C2orf80: variants seen among roughly 807,000 people sequenced by gnomAD.
The protein encoded by C2orf80 is chromosome 2 open reading frame 80.
A neutral mutation model predicts 30.2 loss-of-function variants in C2orf80; 28 were observed. The ratio of observed to expected loss-of-function variants is 0.93; its 90% CI spans 0.69 to 1.27. The LOEUF is 1.27. Among genes scored for constraint, C2orf80 ranks in the 50% most tolerant of loss-of-function variants. The probability of loss-of-function intolerance (pLI) is 0.00; values close to 1 mark genes in which losing one functional copy is unlikely to be tolerated. For missense variants in C2orf80, 220 were observed against 231.0 expected (o/e 0.95, Z 0.31); for synonymous variants, 80 against 76.4 (o/e 1.05, Z -0.24).
chr2:208,187,139 G>C (rs1696742073), intron 1 of C2orf80, 78 bp from the exon 2 acceptor site: 1 of 686,514 alleles, frequency 1.5e-6, no homozygotes, highest in Non-Finnish European at 2.4e-6. Flanking sequence ...CTAGGCTCTG[G>C]AAGGGATCTG....
intron 6 of C2orf80, among the ~76,000 whole-genome samples, chr2:208,177,119 G>T (rs988544713): frequency 9.7e-6 from 1 of 102,660 alleles, no homozygotes; most frequent in African/African-American, 5.1e-5. Context: ...TCAATGGCTC[G>T]ATTTTATATA....
intron 6 of C2orf80, among the ~76,000 whole-genome samples, chr2:208,180,088 T>C (rs1030294192): frequency 1.3e-5 from 2 of 152,098 alleles, no homozygotes; most frequent in Non-Finnish European, 2.9e-5. Context: ...TAGTACATCA[T>C]AGAAGGGAAC....
intron 6 of C2orf80, among the ~76,000 whole-genome samples, chr2:208,176,676 C>T (rs971516055): frequency 4.6e-5 from 7 of 151,956 alleles, no homozygotes; most frequent in African/African-American, 1.2e-4. Context: ...TTCATTCCCA[C>T]GACAACCCCA....
intron 6 of C2orf80, among the ~76,000 whole-genome samples, chr2:208,173,187 A>G (rs1188378734): frequency 2.0e-5 from 3 of 151,474 alleles, no homozygotes; most frequent in Non-Finnish European, 4.4e-5. Flanking sequence ...ACATTGTGGT[A>G]TATTCCTAGA....
chr2:208,180,593 T>A lies in C2orf80; in HGVS notation c.366+152A>T, dbSNP rs542085957. ...ATGAAAGGCATTTCACACACGTTAT[T>A]CAAGTAAGAAATGGTTATGTCTGGT... is the stretch of plus-strand genomic sequence containing the variant. On this transcript the variant is annotated intron_variant, in intron 6 of 8. Coordinates refer to ENST00000341287, the MANE Select transcript of C2orf80 (RefSeq NM_001099334.3). The A allele has an allele frequency of 4.5e-5, 27 of 599,984 alleles. No individual in the cohort carries two copies. In the East Asian group the frequency reaches 8.0e-4, roughly 18 times the overall value. 37.2% of individuals were successfully genotyped at this position (599,984 alleles called of 1,614,324 possible).
chr2:208,176,456 G>A (rs145209528), intron 6 of C2orf80, among the ~76,000 whole-genome samples: 18 of 152,300 alleles, frequency 1.2e-4, no homozygotes, highest in African/African-American at 4.1e-4. Context: ...GATTACTGGC[G>A]TGAGCCACGG....
At chr2:208,176,945 A>ATACATATCTG (rs1696345080) in intron 6 of C2orf80, among the ~76,000 whole-genome samples, 2 of 81,580 alleles carry the variant, frequency 2.5e-5, no homozygotes, top group African/African-American at 4.1e-5. Flanking sequence ...ACATATCTGT[A>ATACATATCTG]TACATATCTG....
Position 208,165,729 on chromosome 2 carries a change from A to G in C2orf80, c.*78T>C, listed in dbSNP as rs921209080. On this transcript the variant is annotated 3_prime_UTR_variant, in exon 9 of 9. Transcript: ENST00000341287. ...TTGTAAAGAAAAATGTACTGGCAAGAGCTGTGGTTTTAAGATGATGCTTCT... is the reference window on the plus strand; with the variant it reads ...TTGTAAAGAAAAATGTACTGGCAAGGGCTGTGGTTTTAAGATGATGCTTCT... The G allele has an allele frequency of 1.9e-5, 30 of 1,604,304 alleles. No homozygotes were observed. Among genetic ancestry groups the G allele is most frequent in the Non-Finnish European group, 2.6e-5 (30 of 1,175,496 alleles).
chr2:208,173,606 G>C (rs888354008), intron 6 of C2orf80, among the ~76,000 whole-genome samples: 18 of 140,730 alleles, frequency 1.3e-4, no homozygotes, highest in South Asian at 4.9e-4. Flanking sequence ...GCCTGGGCGA[G>C]AGAGCGAGAC....
chr2:208,176,308 T>C (rs1284582460), intron 6 of C2orf80, among the ~76,000 whole-genome samples: 1 of 152,188 alleles, frequency 6.6e-6, no homozygotes, highest in Admixed American at 6.5e-5. Flanking sequence ...CCTGAGTAGC[T>C]GGGATTACAG....
chr2:208,188,001 T>C (rs1473863321), intron 1 of C2orf80, among the ~76,000 whole-genome samples: 2 of 152,092 alleles, frequency 1.3e-5, no homozygotes, highest in African/African-American at 4.8e-5. Flanking sequence ...TATCAGATTT[T>C]GGACTGGCCA....
chr2:208,181,347 T>A (rs749714280), intron 4 of C2orf80, 42 bp from the exon 5 acceptor site: 2 of 1,284,938 alleles, frequency 1.6e-6, no homozygotes, highest in Non-Finnish European at 2.3e-6. Flanking sequence ...TTTATTCTTG[T>A]TCTTTTTGAT....
Position 208,189,776 on chromosome 2 carries a change from T to C in C2orf80, c.-76+177A>G, listed in dbSNP as rs534517257. On this transcript the variant is annotated intron_variant, in intron 1 of 8. Coordinates refer to ENST00000341287, the MANE Select transcript of C2orf80 (RefSeq NM_001099334.3). Reference sequence around the variant, plus strand: ...GCTGTCTCAGGCTTTAGCTGTTTCATAGAAACAATTCCCTAGAAGTCAGAG... The same window carrying C: ...GCTGTCTCAGGCTTTAGCTGTTTCACAGAAACAATTCCCTAGAAGTCAGAG... 147 of 616,606 alleles carry C rather than the reference T, an allele frequency of 2.4e-4. No individual in the cohort carries two copies. In the South Asian group the frequency reaches 2.6e-3, roughly 11 times the overall value. 38.2% of individuals were successfully genotyped at this position (616,606 alleles called of 1,614,324 possible).
intron 5 of C2orf80, 30 bp downstream of exon 5, chr2:208,181,188 C>A: frequency 7.2e-7 from 1 of 1,380,218 alleles, no homozygotes; most frequent in South Asian, 1.2e-5. Flanking sequence ...ATGAAATATT[C>A]ATATAGGCAG....
intron 6 of C2orf80, among the ~76,000 whole-genome samples, chr2:208,172,560 A>G (rs1158454882): frequency 3.9e-5 from 6 of 152,188 alleles, no homozygotes; most frequent in African/African-American, 1.4e-4. Context: ...AAATATATGA[A>G]TAGTTGTCCA....
chr2:208,181,411 A>C, intron 4 of C2orf80, 106 bp from the exon 5 acceptor site: 1 of 656,724 alleles, frequency 1.5e-6, no homozygotes, highest in Non-Finnish European at 2.7e-6. Flanking sequence ...GCTGTGTGCT[A>C]TCTGCTTATT....
In C2orf80 at chr2:208,171,981, G is replaced by A. The variant is rs200831493; in HGVS notation, c.454+7C>T. 6.2e-7 allele frequency: 1 copy of A among 1,610,688 alleles called. No homozygotes were observed. Among genetic ancestry groups the A allele is most frequent in the Non-Finnish European group, 8.5e-7 (1 of 1,176,892 alleles). On this transcript the variant is annotated splice_region_variant and intron_variant, in intron 7 of 8. Transcript: ENST00000341287. ...TCCTCTAAGCAGGTGAAAGTAACCA[G>A]GCTTACTCTGTTTGCGGGCGTATGC...
At chr2:208,167,489 T>C (rs1253153806) in intron 8 of C2orf80, among the ~76,000 whole-genome samples, 1 of 151,758 alleles carries the variant, frequency 6.6e-6, no homozygotes, top group Non-Finnish European at 1.5e-5. Flanking sequence ...ACCACTGCAC[T>C]CCAGCCTGGG....
intron 4 of C2orf80, among the ~76,000 whole-genome samples, chr2:208,182,077 C>T (rs537449477): frequency 6.6e-6 from 1 of 152,232 alleles, no homozygotes; most frequent in African/African-American, 2.4e-5. Context: ...TGTTACAACT[C>T]TCTAGGATCA....
Sources: allele counts gnomAD v4.1 joint callset (sites outside exome capture counted in the v4.1 genomes callset), GRCh38; gene constraint gnomAD v4.1.1; transcripts MANE v1.5; gene names NCBI Gene and HGNC (gene_info 2026-07-23, HGNC 2026-07-21).